Variants in PDK1 observed in about 807,000 individuals in gnomAD.
PDK1 encodes [Pyruvate dehydrogenase (acetyl-transferring)] kinase isozyme 1, mitochondrial.
PDK1 carries 39 observed loss-of-function variants against 54.2 expected under a neutral mutation model. That is an observed-to-expected ratio of 0.72 (90% CI 0.56 to 0.94). The LOEUF is 0.94. Among genes scored for constraint, PDK1 ranks in the 40% least tolerant of loss-of-function variants. PDK1 has a pLI of 0.00. For missense variants in PDK1, 552 were observed against 566.0 expected, an observed-to-expected ratio of 0.98 and a Z score of 0.25; for synonymous variants, 221 against 207.1, an observed-to-expected ratio of 1.07 and a Z score of -0.58.
the PDK1 span, among the ~76,000 whole-genome samples, chr2:172,664,611 G>T: frequency 6.6e-6 from 1 of 151,960 alleles, no homozygotes; most frequent in African/African-American, 2.4e-5. Flanking sequence ...TTAGATATTG[G>T]CTCTGTCTCA....
At chr2:172,713,900 C>T in the PDK1 span, among the ~76,000 whole-genome samples, 3 of 152,246 alleles carry the variant, frequency 2.0e-5, no homozygotes, top group Admixed American at 1.3e-4. Flanking sequence ...TCCAGATAGG[C>T]CACTGCTGCC....
chr2:172,565,914 G>A (rs1688915354), intron 5 of PDK1, among the ~76,000 whole-genome samples: 2 of 152,156 alleles, frequency 1.3e-5, no homozygotes, highest in Non-Finnish European at 1.5e-5. Context: ...GCACACTTAG[G>A]TTGTTTTAAT....
chr2:172,591,643 CT>C (rs1690595729), intron 9 of PDK1, among the ~76,000 whole-genome samples: 1 of 152,120 alleles, frequency 6.6e-6, no homozygotes, highest in Admixed American at 6.5e-5. Context: ...TTGTATGGCC[CT>C]GCGCTGATGG....
the PDK1 span, among the ~76,000 whole-genome samples, chr2:172,620,224 C>T: frequency 4.2e-4 from 64 of 152,236 alleles, no homozygotes; most frequent in African/African-American, 1.4e-3. Context: ...CAGACAAAGG[C>T]TGTTGAAATA....
chr2:172,625,135 T>C, the PDK1 span, among the ~76,000 whole-genome samples: 1 of 152,110 alleles, frequency 6.6e-6, no homozygotes, highest in Non-Finnish European at 1.5e-5. Context: ...GACTGTGAGG[T>C]GACAGAAATA....
the PDK1 span, among the ~76,000 whole-genome samples, chr2:172,620,640 G>GATTTC: frequency 1.3e-5 from 2 of 152,122 alleles, no homozygotes; most frequent in African/African-American, 4.8e-5. Flanking sequence ...TCATGGGCTG[G>GATTTC]ATTTCTTATG....
At chr2:172,699,413 G>A in the PDK1 span, among the ~76,000 whole-genome samples, 1 of 151,272 alleles carries the variant, frequency 6.6e-6, no homozygotes, top group African/African-American at 2.4e-5. Flanking sequence ...GTCCCTGCAA[G>A]TAGTCAACTG....
At position 172,603,290 on chromosome 2, in the gene PDK1, G is replaced by A. The variant is rs1691176191; in HGVS notation, c.*7321G>A. On this transcript the variant is annotated 3_prime_UTR_variant, in exon 11 of 11. Transcript: ENST00000282077. ...TTCTTAGAGTACTTAAAAAAGATAA[G>A]AAGGATCTATTCCTGATATACAGGG... The A allele has an allele frequency of 6.6e-6, 1 of 152,172 alleles. No individual in the cohort carries two copies. Among genetic ancestry groups the A allele is most frequent in the African/African-American group, 2.4e-5 (1 of 41,446 alleles). The allele number at this position is 152,172 out of a possible 1,614,324, so 9.4% of individuals were successfully genotyped here.
chr2:172,619,874 AC>A, the PDK1 span, among the ~76,000 whole-genome samples: 2 of 152,180 alleles, frequency 1.3e-5, no homozygotes, highest in African/African-American at 4.8e-5. Flanking sequence ...TCCAGACAAA[AC>A]TGATCTCAGG....
intron 10 of PDK1, among the ~76,000 whole-genome samples, chr2:172,593,594 G>C (rs931213693): frequency 6.6e-6 from 1 of 152,240 alleles, no homozygotes; most frequent in African/African-American, 2.4e-5. Flanking sequence ...ATTCATCTTA[G>C]TTTTCAAGGA....
rs1690979562 is a variant in PDK1, at chr2:172,598,050, A to C, written c.*2081A>C. 1 of 152,226 alleles carries C rather than the reference A, an allele frequency of 6.6e-6. No homozygotes were observed. Among genetic ancestry groups the C allele is most frequent in the South Asian group, 2.1e-4 (1 of 4,832 alleles). The allele number at this position is 152,226 out of a possible 1,614,324, so 9.4% of individuals were successfully genotyped here. A position where few individuals can be genotyped will look rare whatever the true frequency, so the allele number is the denominator to read the frequency against. On this transcript the variant is annotated 3_prime_UTR_variant, in exon 11 of 11. Coordinates refer to ENST00000282077, the MANE Select transcript of PDK1 (RefSeq NM_002610.5). ...GGAAAAATGTCTCACCTAACCCACTATTCCTTAATTATGGATTTTGTGAAA... is the reference window on the plus strand; with the variant it reads ...GGAAAAATGTCTCACCTAACCCACTCTTCCTTAATTATGGATTTTGTGAAA...
At chr2:172,556,455 C>G in intron 1 of PDK1, 109 bp downstream of exon 1, 1 of 737,374 alleles carries the variant, frequency 1.4e-6, no homozygotes, top group Non-Finnish European at 1.9e-6. Flanking sequence ...GAGGCGCACC[C>G]CTCCTCCTCA....
the PDK1 span, among the ~76,000 whole-genome samples, chr2:172,628,100 G>A: frequency 6.6e-6 from 1 of 152,108 alleles, no homozygotes; most frequent in Non-Finnish European, 1.5e-5. Flanking sequence ...TGCAGTTTAA[G>A]GCCAAAACCA....
At chr2:172,686,859 T>G in the PDK1 span, among the ~76,000 whole-genome samples, 1 of 152,232 alleles carries the variant, frequency 6.6e-6, no homozygotes, top group South Asian at 2.1e-4. Flanking sequence ...ACCTATCTGC[T>G]ATCTATCATG....
the PDK1 span, among the ~76,000 whole-genome samples, chr2:172,686,897 A>G: frequency 6.6e-6 from 1 of 152,244 alleles, no homozygotes; most frequent in South Asian, 2.1e-4. Flanking sequence ...ATTATTAGAC[A>G]ACTAAAATGA....
At chr2:172,699,928 G>A in the PDK1 span, among the ~76,000 whole-genome samples, 25 of 152,132 alleles carry the variant, frequency 1.6e-4, no homozygotes, top group Admixed American at 1.2e-3. Context: ...TTGTGTCCCT[G>A]GGTACCTCAG....
chr2:172,702,292 G>A, the PDK1 span, among the ~76,000 whole-genome samples: 2 of 152,110 alleles, frequency 1.3e-5, no homozygotes, highest in African/African-American at 4.8e-5. Context: ...GCCTGGCCAA[G>A]ATGGTGAAAC....
At chr2:172,569,599 A>G (rs1166189002) in intron 7 of PDK1, among the ~76,000 whole-genome samples, 1 of 152,190 alleles carries the variant, frequency 6.6e-6, no homozygotes, top group Non-Finnish European at 1.5e-5. Context: ...ATGTAAAGGA[A>G]AAGTGCACTG....
chr2:172,633,614 A>T, the PDK1 span, among the ~76,000 whole-genome samples: 1 of 151,136 alleles, frequency 6.6e-6, no homozygotes, highest in African/African-American at 2.4e-5. Flanking sequence ...TACAATATGT[A>T]ACAAACTCCC....
Sources: gnomAD v4.1 joint callset for allele counts (sites outside exome capture counted in the v4.1 genomes callset) on GRCh38, gnomAD v4.1.1 for gene constraint, MANE v1.5 for transcripts, NCBI Gene and HGNC (gene_info 2026-07-23, HGNC 2026-07-21) for gene names.